Variants in GPC4 observed in about 807,000 individuals in gnomAD.
GPC4 encodes the protein glypican-4.
GPC4 carries 10 observed loss-of-function variants against 35.0 expected under a neutral mutation model. That is an observed-to-expected ratio of 0.29 (90% CI 0.18 to 0.48). GPC4 has a LOEUF of 0.48. GPC4 is among the 20% of genes least tolerant of loss of function. The pLI, the probability that GPC4 is intolerant of heterozygous loss-of-function variation, is 0.99. For missense variants in GPC4, 322 were observed against 451.3 expected (o/e 0.71, Z 2.60); for synonymous variants, 167 against 170.2 (o/e 0.98, Z 0.15).
Position 133,391,427 on chromosome X carries a change from CAAG to C in GPC4, c.160+23376_160+23378del, listed in dbSNP as rs1337877645. Among the ~76,000 whole-genome samples, 4 of 112,167 alleles carry C rather than the reference CAAG, an allele frequency of 3.6e-5. No homozygotes were observed. The East Asian group carries it at 1.1e-3, about 32-fold the overall frequency. On this transcript the variant is annotated intron_variant, in intron 1 of 8. Transcript: ENST00000370828. Reference sequence around the variant, plus strand: ...CTTGTAAACCAGGACTGGGATAGAACAAGAAGAGAAGGTCTGGAAAAGAATGGC... The same window carrying C: ...CTTGTAAACCAGGACTGGGATAGAACAAGAGAAGGTCTGGAAAAGAATGGC...
chrX:133,407,964 G>T (rs923543885), intron 1 of GPC4, among the ~76,000 whole-genome samples: 7 of 112,329 alleles, frequency 6.2e-5, no homozygotes, highest in African/African-American at 1.9e-4. Flanking sequence ...CTCCCATTCA[G>T]TTTTTTCCCC....
At chrX:133,381,625 G>A in intron 1 of GPC4, among the ~76,000 whole-genome samples, 1 of 112,246 alleles carries the variant, frequency 8.9e-6, no homozygotes, top group East Asian at 2.8e-4. Flanking sequence ...TGTCTTCAAG[G>A]TCACATGCCA....
At chrX:133,413,520 G>A (rs1421311841) in intron 1 of GPC4, among the ~76,000 whole-genome samples, 1 of 112,156 alleles carries the variant, frequency 8.9e-6, no homozygotes, top group African/African-American at 3.2e-5. Context: ...TGAAATTACA[G>A]TATTTCCTTT....
At chrX:133,385,170 C>T (rs2068682976) in intron 1 of GPC4, among the ~76,000 whole-genome samples, 1 of 112,051 alleles carries the variant, frequency 8.9e-6, no homozygotes. Flanking sequence ...GGAAGGCATT[C>T]TTTTTGATTT....
intron 3 of GPC4, among the ~76,000 whole-genome samples, chrX:133,319,848 C>G (rs1056020542): frequency 2.7e-5 from 3 of 111,651 alleles, no homozygotes; most frequent in African/African-American, 9.8e-5. Flanking sequence ...AATTTTTTAA[C>G]TGGCTGTCAT....
At chrX:133,335,770 T>C (rs1260435698) in intron 2 of GPC4, among the ~76,000 whole-genome samples, 1 of 112,413 alleles carries the variant, frequency 8.9e-6, no homozygotes, top group Non-Finnish European at 1.9e-5. Flanking sequence ...AAGGTTTTTT[T>C]TCAATAATTA....
intron 7 of GPC4, among the ~76,000 whole-genome samples, chrX:133,304,287 G>C (rs922510242): frequency 9.0e-6 from 1 of 110,807 alleles, no homozygotes; most frequent in African/African-American, 3.3e-5. Flanking sequence ...GCAAAAGAGC[G>C]AGACTCCATC....
At chrX:133,358,223 C>T (rs2068550725) in intron 1 of GPC4, among the ~76,000 whole-genome samples, 1 of 111,603 alleles carries the variant, frequency 9.0e-6, no homozygotes, top group South Asian at 3.7e-4. Flanking sequence ...TTATTTTAGG[C>T]CAAATAGGTC....
At chrX:133,304,675 C>T (rs1358014593) in intron 7 of GPC4, 50 bp downstream of exon 7, 2 of 1,194,918 alleles carry the variant, frequency 1.7e-6, no homozygotes, top group Non-Finnish European at 1.1e-6. Flanking sequence ...TGAAGGTCAC[C>T]CAGGCATCTA....
chrX:133,315,641 G>A (rs751810074), intron 3 of GPC4, among the ~76,000 whole-genome samples: 2 of 111,546 alleles, frequency 1.8e-5, no homozygotes, highest in Non-Finnish European at 3.8e-5. Flanking sequence ...AAACCAAGCA[G>A]TAGATCATGC....
At position 133,304,842 on chromosome X, in the gene GPC4, T is replaced by A; in HGVS notation, c.1175A>T (p.Lys392Ile). The A allele has an allele frequency of 8.3e-7, 1 of 1,210,800 alleles. No individual in the cohort carries two copies. The highest frequency in any genetic ancestry group is 1.8e-5 in the South Asian group (1 of 56,925). Residue 392 changes from lysine to isoleucine, a missense_variant, in exon 7 of 9, where the codon AAA (lysine) becomes ATA (isoleucine). Transcript: ENST00000370828. ...CCAGAATTTCTTGGCCTGTTTCAGT[T>A]TCTCCTTGACATCAGTAACCTAATT... ...LDRLVTDVKE[K>I]LKQAKKFWSS...
At chrX:133,354,024 G>A (rs1293539773) in intron 1 of GPC4, among the ~76,000 whole-genome samples, 1 of 111,791 alleles carries the variant, frequency 8.9e-6, no homozygotes, top group Non-Finnish European at 1.9e-5. Context: ...GAAAAGAAGG[G>A]CAATAAATAC....
intron 1 of GPC4, among the ~76,000 whole-genome samples, chrX:133,358,767 G>A (rs1376424080): frequency 9.0e-6 from 1 of 110,586 alleles, no homozygotes; most frequent in African/African-American, 3.3e-5. Context: ...GTTTATCACC[G>A]GATCACCTCC....
intron 3 of GPC4, among the ~76,000 whole-genome samples, chrX:133,312,797 T>C (rs2068322100): frequency 9.0e-6 from 1 of 110,973 alleles, no homozygotes; most frequent in Non-Finnish European, 1.9e-5. Flanking sequence ...GACAGAAACA[T>C]TACCCAAGTC....
At chrX:133,341,460 T>C (rs2068466371) in intron 1 of GPC4, among the ~76,000 whole-genome samples, 1 of 112,264 alleles carries the variant, frequency 8.9e-6, no homozygotes, top group Admixed American at 9.4e-5. Context: ...AAATTCATCA[T>C]AGGATAGGCT....
At chrX:133,377,584 T>C (rs1309617301) in intron 1 of GPC4, among the ~76,000 whole-genome samples, 1 of 112,461 alleles carries the variant, frequency 8.9e-6, no homozygotes, top group East Asian at 2.8e-4. Context: ...TATTAATAGT[T>C]AACAACATGC....
chrX:133,377,326 T>A (rs946446075), intron 1 of GPC4, among the ~76,000 whole-genome samples: 15 of 111,535 alleles, frequency 1.3e-4, no homozygotes, highest in Non-Finnish European at 2.8e-4. Flanking sequence ...TTTCCTCACA[T>A]GCAACAGCAC....
chrX:133,337,115 A>T (rs769455105), intron 2 of GPC4, among the ~76,000 whole-genome samples: 12 of 112,283 alleles, frequency 1.1e-4, no homozygotes, highest in African/African-American at 3.9e-4. Flanking sequence ...CACCATGCCC[A>T]GCCTATGCCA....
rs1016119217 is a variant in GPC4, at chrX:133,301,242, T to C, written c.*1625A>G. 2 of 112,940 alleles carry C rather than the reference T, an allele frequency of 1.8e-5. No individual in the cohort carries two copies. The highest frequency in any genetic ancestry group is 3.7e-5 in the Non-Finnish European group (2 of 53,369). 9.3% of individuals were successfully genotyped at this position (112,940 alleles called of 1,213,427 possible). A position where few individuals can be genotyped will look rare whatever the true frequency, so the allele number is the denominator to read the frequency against. On this transcript the variant is annotated 3_prime_UTR_variant, in exon 9 of 9. Coordinates refer to ENST00000370828, the MANE Select transcript of GPC4 (RefSeq NM_001448.3). ...AGAGAATTACTCTTACAACTGAAGA[T>C]TGAACAATAACACAAACAACCTCTT...
Sources: allele counts gnomAD v4.1 joint callset (sites outside exome capture counted in the v4.1 genomes callset), GRCh38; gene constraint gnomAD v4.1.1; transcripts MANE v1.5; gene names NCBI Gene and HGNC (gene_info 2026-07-23, HGNC 2026-07-21).